Variants in LMX1B observed in about 807,000 individuals in gnomAD.
LMX1B encodes the protein LIM homeobox transcription factor 1 beta.
LMX1B carries 12 observed loss-of-function variants against 51.4 expected under a neutral mutation model. The ratio of observed to expected loss-of-function variants is 0.23; its 90% CI spans 0.15 to 0.38. The LOEUF is 0.38. LMX1B is among the 10% of genes least tolerant of loss of function. The pLI is 1.00. For synonymous variants in LMX1B, 237 were observed against 235.4 expected (o/e 1.01, Z -0.06); for missense variants, 445 against 571.1 (o/e 0.78, Z 2.25).
chr9:126,669,293 C>A (rs1037865374), intron 2 of LMX1B, among the ~76,000 whole-genome samples: 1 of 151,810 alleles, frequency 6.6e-6, no homozygotes. Flanking sequence ...GAACTCCCGG[C>A]GGATGAGGCC....
At chr9:126,656,411 A>C (rs1836117181) in intron 2 of LMX1B, among the ~76,000 whole-genome samples, 1 of 151,924 alleles carries the variant, frequency 6.6e-6, no homozygotes, top group African/African-American at 2.4e-5. Context: ...AGATAGATAG[A>C]TAGATAGATA....
intron 2 of LMX1B, among the ~76,000 whole-genome samples, chr9:126,652,977 A>G (rs1266960385): frequency 6.6e-6 from 1 of 152,142 alleles, no homozygotes; most frequent in African/African-American, 2.4e-5. Context: ...AGGGCTGGGC[A>G]AGACTGAAAA....
chr9:126,647,476 C>A (rs1347982977), intron 2 of LMX1B, among the ~76,000 whole-genome samples: 1 of 152,210 alleles, frequency 6.6e-6, no homozygotes, highest in Non-Finnish European at 1.5e-5. Flanking sequence ...GCCTTCAGCT[C>A]CTCCTCACTG....
At chr9:126,659,026 T>C (rs965858127) in intron 2 of LMX1B, among the ~76,000 whole-genome samples, 1 of 152,206 alleles carries the variant, frequency 6.6e-6, no homozygotes, top group Non-Finnish European at 1.5e-5. Flanking sequence ...GGCTGGGGTC[T>C]GCCGAGGTAT....
intron 2 of LMX1B, among the ~76,000 whole-genome samples, chr9:126,655,271 C>T (rs1044368799): frequency 1.3e-5 from 2 of 152,212 alleles, no homozygotes; most frequent in Non-Finnish European, 2.9e-5. Flanking sequence ...GCCGCCTCAC[C>T]CGATGTGGTG....
chr9:126,628,822 AG>A (rs1022998086), intron 2 of LMX1B, among the ~76,000 whole-genome samples: 5 of 152,094 alleles, frequency 3.3e-5, no homozygotes, highest in African/African-American at 1.2e-4. Context: ...CCATCCCCAA[AG>A]CTAGTCCCGC....
intron 2 of LMX1B, among the ~76,000 whole-genome samples, chr9:126,628,984 C>T (rs1835583867): frequency 1.4e-5 from 1 of 69,706 alleles, no homozygotes; most frequent in African/African-American, 4.2e-5. Context: ...ATGGTGTCTT[C>T]AATTAGATTA....
chr9:126,654,274 G>T (rs778597315), intron 2 of LMX1B, among the ~76,000 whole-genome samples: 2 of 152,226 alleles, frequency 1.3e-5, no homozygotes, highest in Non-Finnish European at 2.9e-5. Context: ...TCTGCTCAGG[G>T]TTGCTGCCCC....
intron 2 of LMX1B, among the ~76,000 whole-genome samples, chr9:126,664,147 C>T (rs929384719): frequency 6.6e-6 from 1 of 152,170 alleles, no homozygotes; most frequent in African/African-American, 2.4e-5. Context: ...CCAGCCACCT[C>T]CAGGCCACCC....
At chr9:126,647,749 G>T (rs1213430385) in intron 2 of LMX1B, among the ~76,000 whole-genome samples, 1 of 152,238 alleles carries the variant, frequency 6.6e-6, no homozygotes, top group East Asian at 1.9e-4. Context: ...GAGGTTACTA[G>T]CTTCTTGGGG....
chr9:126,649,917 C>T (rs754046167), intron 2 of LMX1B, among the ~76,000 whole-genome samples: 5 of 152,236 alleles, frequency 3.3e-5, no homozygotes, highest in Non-Finnish European at 7.3e-5. Flanking sequence ...TGTGAGCCAC[C>T]GAGCCTGGCA....
At position 126,615,127 on chromosome 9, in the gene LMX1B, C is replaced by T. The variant is rs1286371954; in HGVS notation, c.140-256C>T. 6.6e-6 allele frequency among the ~76,000 whole-genome samples: 1 copy of T among 152,064 alleles called. No homozygotes were observed. Among genetic ancestry groups the T allele is most frequent in the Non-Finnish European group, 1.5e-5 (1 of 67,978 alleles). On this transcript the variant is annotated intron_variant, in intron 1 of 7. Transcript: ENST00000373474. The surrounding 1 kb of genome is among the most constrained non-coding windows in gnomAD (Gnocchi z 6.0). ...TTTGTCTTAACACGGAGCGCGGATT[C>T]TCCGGAGAAGGGGAGAGCACAGCGC... is the stretch of plus-strand genomic sequence containing the variant.
Position 126,696,549 on chromosome 9 carries a change from C to T in LMX1B, c.*98C>T. 7.0e-7 allele frequency: 1 copy of T among 1,428,590 alleles called. No homozygotes were observed. The highest frequency in any genetic ancestry group is 9.8e-7 in the Non-Finnish European group (1 of 1,020,700). 88.5% of individuals were successfully genotyped at this position (1,428,590 alleles called of 1,614,324 possible). ...ACCCCCGCCCTGCTCTCCGCACAGA[C>T]TACAGACAGCCATACGGTGCCCTCC... On this transcript the variant is annotated 3_prime_UTR_variant, in exon 8 of 8. Coordinates refer to ENST00000373474, the MANE Select transcript of LMX1B (RefSeq NM_001174147.2).
chr9:126,694,493 T>A (rs1410634672), intron 6 of LMX1B, among the ~76,000 whole-genome samples: 1 of 152,154 alleles, frequency 6.6e-6, no homozygotes. Flanking sequence ...CACTGGGCTT[T>A]ACCAAAAATC....
At chr9:126,686,294 A>AG (rs1028218645) in intron 2 of LMX1B, among the ~76,000 whole-genome samples, 1 of 151,802 alleles carries the variant, frequency 6.6e-6, no homozygotes, top group African/African-American at 2.4e-5. Context: ...AAAAAAAAAA[A>AG]AAGAAATTAA....
At chr9:126,667,084 C>T (rs750044371) in intron 2 of LMX1B, among the ~76,000 whole-genome samples, 4 of 152,158 alleles carry the variant, frequency 2.6e-5, no homozygotes, top group Non-Finnish European at 5.9e-5. Flanking sequence ...CAAAATGGGA[C>T]AGTATTCATC....
Position 126,615,702 on chromosome 9 carries a change from G to C in LMX1B, c.326+133G>C, listed in dbSNP as rs1025145861. 3 of 778,092 alleles carry C rather than the reference G, an allele frequency of 3.9e-6. No homozygotes were observed. Among genetic ancestry groups the C allele is most frequent in the African/African-American group, 3.7e-5 (2 of 53,430 alleles). 48.2% of individuals were successfully genotyped at this position (778,092 alleles called of 1,614,324 possible). A position where few individuals can be genotyped will look rare whatever the true frequency, so the allele number is the denominator to read the frequency against. ...TGGGCCGGGCAGCTCCAAGGGTTCC[G>C]AGAGCTGCGCGTCTTGGGGCTGGGG... On this transcript the variant is annotated intron_variant, in intron 2 of 7. Transcript: ENST00000373474. The surrounding 1 kb of genome is among the most constrained non-coding windows in gnomAD (Gnocchi z 6.0).
At chr9:126,663,197 C>T (rs527400277) in intron 2 of LMX1B, among the ~76,000 whole-genome samples, 43 of 102,324 alleles carry the variant, frequency 4.2e-4, no homozygotes, top group African/African-American at 1.4e-3. Context: ...GAGGTTGAGG[C>T]GGGCGGATCA....
rs1396103156 is a variant in LMX1B at position 126,658,399 on chromosome 9, G to C, written c.327-32437G>C. Among the ~76,000 whole-genome samples the C allele has an allele frequency of 6.6e-6, 1 of 151,950 alleles. No individual in the cohort carries two copies. The highest frequency in any genetic ancestry group is 1.5e-5 in the Non-Finnish European group (1 of 67,980). On this transcript the variant is annotated intron_variant, in intron 2 of 7. Coordinates refer to ENST00000373474, the MANE Select transcript of LMX1B (RefSeq NM_001174147.2). The surrounding 1 kb of genome is among the most constrained non-coding windows in gnomAD (Gnocchi z 4.0). ...CCCTCCCCCTGGCTGCCGGGCCCGG[G>C]CACCCCTGCTGCTGACCCCCTGCCC...
Sources: gnomAD v4.1 joint callset for allele counts (sites outside exome capture counted in the v4.1 genomes callset) on GRCh38, gnomAD v4.1.1 for gene constraint, Gnocchi (gnomAD v3.1) non-coding constraint, MANE v1.5 for transcripts, NCBI Gene and HGNC (gene_info 2026-07-23, HGNC 2026-07-21) for gene names.